The following KANSL1L variants were observed in gnomAD, a reference collection of about 807,000 sequenced individuals.
The protein encoded by KANSL1L is KAT8 regulatory NSL complex subunit 1 like.
KANSL1L carries 25 observed loss-of-function variants against 108.6 expected under a neutral mutation model. That is an observed-to-expected ratio of 0.23 (90% CI 0.17 to 0.32). The LOEUF is 0.32. KANSL1L is among the 10% of genes least tolerant of loss of function. The pLI, the probability that KANSL1L is intolerant of heterozygous loss-of-function variation, is 1.00. For missense variants in KANSL1L, 1,137 were observed against 1,125.7 expected (o/e 1.01, Z -0.14); for synonymous variants, 405 against 395.1 (o/e 1.03, Z -0.30).
intron 5 of KANSL1L, among the ~76,000 whole-genome samples, chr2:210,084,909 C>CT (rs905906831): frequency 1.8e-4 from 27 of 151,276 alleles, no homozygotes; most frequent in African/African-American, 3.2e-4. Context: ...CATGCCCAGC[C>CT]TTTTTTTTTC....
intron 6 of KANSL1L, among the ~76,000 whole-genome samples, chr2:210,052,450 G>A (rs2094304166): frequency 6.6e-6 from 1 of 152,004 alleles, no homozygotes; most frequent in Non-Finnish European, 1.5e-5. Flanking sequence ...CTTGCTGATG[G>A]CTTTTCCTTA....
At chr2:210,084,150 A>G (rs2125358492) in intron 5 of KANSL1L, among the ~76,000 whole-genome samples, 1 of 152,264 alleles carries the variant, frequency 6.6e-6, no homozygotes, top group East Asian at 1.9e-4. Context: ...GGCTGGGCGC[A>G]GTGGCTCATG....
intron 14 of KANSL1L, among the ~76,000 whole-genome samples, chr2:210,023,783 G>A (rs1056725371): frequency 5.3e-5 from 8 of 152,094 alleles, no homozygotes; most frequent in African/African-American, 9.7e-5. Flanking sequence ...GGTTTGTTTC[G>A]TAATGAAACT....
chr2:210,028,153 C>G (rs780709521), intron 11 of KANSL1L, among the ~76,000 whole-genome samples: 1 of 152,154 alleles, frequency 6.6e-6, no homozygotes, highest in Non-Finnish European at 1.5e-5. Context: ...CAGGGACCTC[C>G]ACAAATCTGG....
At chr2:210,171,660 G>GA (rs1330916293), upstream of KANSL1L, 117 of 145,558 alleles carry the variant, frequency 8.0e-4, no homozygotes, top group South Asian at 1.6e-3. Flanking sequence ...TGGCGAGGGG[G>GA]AAAAAAAAAA....
chr2:210,023,471 T>A (rs1028108203), intron 14 of KANSL1L, among the ~76,000 whole-genome samples: 2 of 152,208 alleles, frequency 1.3e-5, no homozygotes, highest in African/African-American at 4.8e-5. Context: ...TGTTCTTAGG[T>A]TTGATATACT....
At chr2:210,085,176 A>G (rs894663714) in intron 5 of KANSL1L, among the ~76,000 whole-genome samples, 8 of 152,190 alleles carry the variant, frequency 5.3e-5, no homozygotes, top group Admixed American at 5.2e-4. Flanking sequence ...AATATAAAGA[A>G]CTATTTATAG....
intron 3 of KANSL1L, among the ~76,000 whole-genome samples, chr2:210,115,595 T>C (rs1480822643): frequency 6.6e-6 from 1 of 151,998 alleles, no homozygotes; most frequent in Non-Finnish European, 1.5e-5. Context: ...CTGGCAAAAA[T>C]CAGTTAAAAC....
chr2:210,083,878 A>C (rs561838761), intron 5 of KANSL1L, among the ~76,000 whole-genome samples: 1 of 151,868 alleles, frequency 6.6e-6, no homozygotes, highest in East Asian at 1.9e-4. Context: ...ATAAGACTTA[A>C]ACTTAATAGG....
chr2:210,054,353 T>G (rs989185167), intron 6 of KANSL1L, among the ~76,000 whole-genome samples: 1 of 150,594 alleles, frequency 6.6e-6, no homozygotes, highest in Non-Finnish European at 1.5e-5. Context: ...GTAACTAGAC[T>G]ATAACACCAT....
At chr2:210,159,584 T>C (rs1344052099) in intron 1 of KANSL1L, among the ~76,000 whole-genome samples, 1 of 152,226 alleles carries the variant, frequency 6.6e-6, no homozygotes, top group East Asian at 1.9e-4. Flanking sequence ...GTTGACTAAA[T>C]TCATAAATTA....
At chr2:210,058,974 G>A (rs186913799) in intron 6 of KANSL1L, among the ~76,000 whole-genome samples, 34 of 151,788 alleles carry the variant, frequency 2.2e-4, no homozygotes, top group Middle Eastern at 3.4e-3. Flanking sequence ...TTCTCAGACC[G>A]GCTGACACTT....
intron 2 of KANSL1L, chr2:210,152,505 T>G (rs2125637014): frequency 6.6e-6 from 1 of 152,350 alleles, no homozygotes; most frequent in East Asian, 1.9e-4. Context: ...TATTTTTCTC[T>G]GCTTTTTATT....
chr2:210,065,477 A>G (rs1164535395), intron 6 of KANSL1L, among the ~76,000 whole-genome samples: 2 of 152,092 alleles, frequency 1.3e-5, no homozygotes, highest in East Asian at 3.9e-4. Context: ...ACTGCCAGTA[A>G]AACTGTGGCC....
chr2:210,032,697 T>G (rs1376766627), intron 8 of KANSL1L: 1 of 152,190 alleles, frequency 6.6e-6, no homozygotes, highest in Non-Finnish European at 1.5e-5. Flanking sequence ...TCAAATGTTG[T>G]ATAAATTCCC....
intron 12 of KANSL1L, 54 bp downstream of exon 12, chr2:210,027,242 C>A: frequency 8.7e-7 from 1 of 1,142,878 alleles, no homozygotes; most frequent in Admixed American, 1.7e-5. Context: ...TCAAAGTAAG[C>A]AGGTTTCATA....
intron 3 of KANSL1L, among the ~76,000 whole-genome samples, chr2:210,122,410 G>C (rs1044647167): frequency 6.6e-6 from 1 of 151,978 alleles, no homozygotes; most frequent in African/African-American, 2.4e-5. Context: ...TTTCAACAAA[G>C]TTGCCAAGAA....
chr2:210,172,332 G>A (rs1032708184), upstream of KANSL1L, among the ~76,000 whole-genome samples: 5 of 152,168 alleles, frequency 3.3e-5, no homozygotes, highest in Non-Finnish European at 5.9e-5. Flanking sequence ...AGAGCACTAG[G>A]CTTTTTAAGC....
intron 3 of KANSL1L, among the ~76,000 whole-genome samples, chr2:210,113,700 T>G (rs1207884835): frequency 1.3e-5 from 2 of 152,106 alleles, no homozygotes; most frequent in Non-Finnish European, 2.9e-5. Context: ...AAAAAGATGT[T>G]ATGAACAAAA....
Sources: gnomAD v4.1 joint callset for allele counts (sites outside exome capture counted in the v4.1 genomes callset) on GRCh38, gnomAD v4.1.1 for gene constraint, MANE v1.5 for transcripts, NCBI Gene and HGNC (gene_info 2026-07-23, HGNC 2026-07-21) for gene names.